Variants in BCL9 observed in about 807,000 individuals in gnomAD.
BCL9 encodes the protein BCL9 transcription coactivator.
Under a neutral mutation model 88.5 loss-of-function variants are expected in BCL9, and 25 were observed. The ratio of observed to expected loss-of-function variants is 0.28; its 90% CI spans 0.21 to 0.39. The LOEUF (loss-of-function observed/expected upper bound fraction) is 0.39. Ranked by LOEUF, BCL9 falls within the 10% of genes least tolerant of loss-of-function variation. BCL9 has a pLI of 1.00. For synonymous variants in BCL9, 711 were observed against 673.3 expected, an observed-to-expected ratio of 1.06 and a Z score of -0.87; for missense variants, 1,817 against 1,877.8, an observed-to-expected ratio of 0.97 and a Z score of 0.60.
intron 1 of BCL9, among the ~76,000 whole-genome samples, chr1:147,542,690 T>C (rs1158436488): frequency 6.6e-6 from 1 of 151,828 alleles, no homozygotes; most frequent in African/African-American, 2.4e-5. Context: ...TTGTGTCTTT[T>C]CGTTAGATTT....
At position 147,620,846 on chromosome 1, in the gene BCL9, G is replaced by A. The variant is rs782210853; in HGVS notation, c.2691G>A (p.Ala897=). The A allele has an allele frequency of 7.4e-6, 12 of 1,614,020 alleles. No individual in the cohort carries two copies. The highest frequency in any genetic ancestry group is 3.3e-5 in the Admixed American group (2 of 60,008). The change falls in exon 8 of 10, where the codon GCG becomes GCA. Residue 897 remains alanine, a synonymous_variant. Transcript: ENST00000234739. ...QTPSQLAGML[A]GPAAAASIKS... The stretch of plus-strand genomic sequence containing the variant: ...CATCGCAGCTGGCAGGCATGCTGGC[G>A]GGCCCAGCTGCTGCTGCTTCCATTA...
Position 147,620,947 on chromosome 1 carries a change from C to T in BCL9, c.2792C>T (p.Pro931Leu). The T allele has an allele frequency of 2.5e-6, 4 of 1,614,214 alleles. No individual in the cohort carries two copies. The highest frequency in any genetic ancestry group is 3.4e-6 in the Non-Finnish European group (4 of 1,180,042). ...TCTCCATCACTTCCTGCCCCGTCAC[C>T]TGGATGGACCTCTTCTCCAAAACCT... ...LKSPSLPAPSPGWTSSPKPPL... is the reference protein window; with the variant it reads ...LKSPSLPAPSLGWTSSPKPPL... Residue 931 changes from proline (P) to leucine (L), a missense_variant, in exon 8 of 10, where the codon CCT becomes CTT. Pro to Leu is a moderately conservative substitution (Grantham distance 98, BLOSUM62 -3). This residue lies in a region of BCL9 where 589 missense variants were observed against 686.2 expected (regional missense o/e 0.86). Coordinates refer to ENST00000234739, the MANE Select transcript of BCL9 (RefSeq NM_004326.4).
chr1:147,607,011 C>G (rs587671578), intron 3 of BCL9, 145 bp downstream of exon 3: 2 of 152,494 alleles, frequency 1.3e-5, no homozygotes, highest in Non-Finnish European at 2.9e-5. Context: ...AGCTCCTGCC[C>G]TTGGTCACCA....
Position 147,624,739 on chromosome 1 carries a change from C to T in BCL9, c.4061C>T (p.Ala1354Val), listed in dbSNP as rs782132052. 6.2e-7 allele frequency: 1 copy of T among 1,614,186 alleles called. No homozygotes were observed. Among genetic ancestry groups the T allele is most frequent in the Non-Finnish European group, 8.5e-7 (1 of 1,180,008 alleles). Reference protein sequence around the residue: ...QPTLMSNPAAAVGMIPGKDRG... With the variant: ...QPTLMSNPAAVVGMIPGKDRG... ...ACCCTGATGAGCAATCCAGCTGCTG[C>T]CGTGGGCATGATTCCTGGCAAGGAT... is the stretch of plus-strand genomic sequence containing the variant. The change falls in exon 10 of 10, where the codon GCC (alanine) becomes GTC (valine). Residue 1354 changes from alanine (A) to valine (V), a missense_variant. This residue lies in a region of BCL9 where 589 missense variants were observed against 686.2 expected (regional missense o/e 0.86). Transcript: ENST00000234739. This position sits in a 1 kb window ranked among gnomAD's most constrained non-coding sequence, Gnocchi z 4.4.
At chr1:147,582,067 T>C (rs1656395292) in intron 1 of BCL9, among the ~76,000 whole-genome samples, 1 of 152,080 alleles carries the variant, frequency 6.6e-6, no homozygotes, top group Non-Finnish European at 1.5e-5. Flanking sequence ...TTCCATCCTT[T>C]CTCTACACAT....
At chr1:147,590,065 G>C (rs1476068861) in intron 1 of BCL9, among the ~76,000 whole-genome samples, 9 of 152,100 alleles carry the variant, frequency 5.9e-5, no homozygotes, top group Non-Finnish European at 1.3e-4. Context: ...CTGTAGACCA[G>C]TGTCATTTTT....
chr1:147,546,052 T>C (rs781851336), intron 1 of BCL9, among the ~76,000 whole-genome samples: 56 of 152,118 alleles, frequency 3.7e-4, no homozygotes, highest in Non-Finnish European at 6.5e-4. Flanking sequence ...AATAATTGCC[T>C]TGGGCCAGGC....
intron 3 of BCL9, 36 bp from the exon 4 acceptor site, chr1:147,611,542 T>C: frequency 4.4e-6 from 2 of 456,494 alleles, no homozygotes; most frequent in African/African-American, 1.9e-5. Flanking sequence ...TCTCTGTTTT[T>C]GCTCCCAACT....
chr1:147,551,296 G>A (rs587612948), intron 1 of BCL9, among the ~76,000 whole-genome samples: 10 of 152,260 alleles, frequency 6.6e-5, no homozygotes, highest in Admixed American at 5.2e-4. Flanking sequence ...CAGTCTGACC[G>A]CAAAGGATTT....
At chr1:147,566,625 G>A (rs976531031) in intron 1 of BCL9, among the ~76,000 whole-genome samples, 1 of 151,816 alleles carries the variant, frequency 6.6e-6, no homozygotes. Context: ...GCGTGGTGGC[G>A]GGCGCCTGTA....
intron 1 of BCL9, among the ~76,000 whole-genome samples, chr1:147,599,178 C>T (rs1553200791): frequency 6.6e-6 from 1 of 152,214 alleles, no homozygotes; most frequent in Non-Finnish European, 1.5e-5. Flanking sequence ...CCTGCACCCC[C>T]GGCGCATCAG....
At chr1:147,595,890 C>A (rs1255497677) in intron 1 of BCL9, among the ~76,000 whole-genome samples, 1 of 152,106 alleles carries the variant, frequency 6.6e-6, no homozygotes, top group Non-Finnish European at 1.5e-5. Flanking sequence ...GGATCAGGAT[C>A]ATTATGTCAA....
intron 1 of BCL9, among the ~76,000 whole-genome samples, chr1:147,579,055 G>A (rs587672874): frequency 2.0e-5 from 3 of 152,092 alleles, no homozygotes; most frequent in East Asian, 1.9e-4. Context: ...TAGTAGAGAC[G>A]GGGTTTTGCC....
chr1:147,610,134 T>C (rs1553202437), intron 3 of BCL9, among the ~76,000 whole-genome samples: 1 of 151,164 alleles, frequency 6.6e-6, no homozygotes, highest in African/African-American at 2.4e-5. Context: ...TATGATTATA[T>C]ATGTCCAACT....
At chr1:147,561,097 A>G (rs2101499326) in intron 1 of BCL9, among the ~76,000 whole-genome samples, 1 of 152,348 alleles carries the variant, frequency 6.6e-6, no homozygotes, top group South Asian at 2.1e-4. Flanking sequence ...TGAACTCACC[A>G]ATGCAATTGA....
At chr1:147,587,829 A>C (rs1037829654) in intron 1 of BCL9, among the ~76,000 whole-genome samples, 2 of 151,576 alleles carry the variant, frequency 1.3e-5, no homozygotes, top group African/African-American at 4.8e-5. Context: ...GAGTTCCTCC[A>C]GCCCAGGGGT....
chr1:147,556,737 T>G (rs1246106025), intron 1 of BCL9, among the ~76,000 whole-genome samples: 1 of 152,188 alleles, frequency 6.6e-6, no homozygotes, highest in Non-Finnish European at 1.5e-5. Context: ...TGTGAGCCAC[T>G]GCACCTGGCC....
intron 1 of BCL9, among the ~76,000 whole-genome samples, chr1:147,562,378 C>T (rs1655419036): frequency 6.6e-6 from 1 of 152,034 alleles, no homozygotes; most frequent in Non-Finnish European, 1.5e-5. Context: ...GGATCTTAAA[C>T]AGTGGGTTAG....
chr1:147,622,171 G>A (rs185773572), intron 8 of BCL9, 100 bp from the exon 9 acceptor site: 36 of 1,467,616 alleles, frequency 2.5e-5, no homozygotes, highest in Non-Finnish European at 3.3e-5. Context: ...CTGTTCATCT[G>A]TCTCATTCCT....
Sources: allele counts gnomAD v4.1 joint callset (sites outside exome capture counted in the v4.1 genomes callset), GRCh38; gene constraint gnomAD v4.1.1; regional missense constraint gnomAD v4.1.1; non-coding constraint Gnocchi (gnomAD v3.1); transcripts MANE v1.5; gene names NCBI Gene and HGNC (gene_info 2026-07-23, HGNC 2026-07-21).